LPAR1: variants seen among roughly 807,000 people sequenced by gnomAD.
LPAR1 encodes the protein lysophosphatidic acid receptor 1.
A neutral mutation model predicts 23.8 loss-of-function variants in LPAR1; 5 were observed. That is an observed-to-expected ratio of 0.21 (90% CI 0.11 to 0.44). LPAR1 has a LOEUF of 0.44. Among genes scored for constraint, LPAR1 ranks in the 20% least tolerant of loss-of-function variants. The pLI, the probability that LPAR1 is intolerant of heterozygous loss-of-function variation, is 0.99. For synonymous variants in LPAR1, 160 were observed against 164.7 expected, an observed-to-expected ratio of 0.97 and a Z score of 0.22; for missense variants, 311 against 482.8, an observed-to-expected ratio of 0.64 and a Z score of 3.33.
Position 111,027,400 on chromosome 9 carries a change from C to T in LPAR1, c.-182+8722G>A, listed in dbSNP as rs891384743. Among the ~76,000 whole-genome samples, 4 of 152,078 alleles carry T rather than the reference C, an allele frequency of 2.6e-5. No homozygotes were observed. The South Asian group carries it at 6.2e-4, about 24-fold the overall frequency. On this transcript the variant is annotated intron_variant, in intron 2 of 5. Coordinates refer to ENST00000683809, the MANE Select transcript of LPAR1 (RefSeq NM_001351411.2). Reference sequence around the variant, plus strand: ...CTCACAGTCCCAGCTACTCAGGAAGCTGAAGCAAGAGGATGGTTTGAGCCC... The same window carrying T: ...CTCACAGTCCCAGCTACTCAGGAAGTTGAAGCAAGAGGATGGTTTGAGCCC...
chr9:111,007,078 G>A (rs540638799), intron 2 of LPAR1, among the ~76,000 whole-genome samples: 3 of 152,108 alleles, frequency 2.0e-5, no homozygotes, highest in Admixed American at 1.3e-4. Context: ...TTTCAGTGGT[G>A]CTTGTTTGCT....
chr9:110,904,508 A>C (rs774432152), intron 5 of LPAR1, among the ~76,000 whole-genome samples: 6 of 152,216 alleles, frequency 3.9e-5, no homozygotes, highest in Non-Finnish European at 7.3e-5. Flanking sequence ...ATAGTAAATA[A>C]ATAGAGGTAT....
At chr9:110,943,526 C>T (rs1172182134) in intron 4 of LPAR1, among the ~76,000 whole-genome samples, 1 of 152,108 alleles carries the variant, frequency 6.6e-6, no homozygotes, top group Non-Finnish European at 1.5e-5. Flanking sequence ...ATACTTAATA[C>T]ATTGTATAAT....
chr9:110,875,373 G>T lies in LPAR1; in HGVS notation c.*48C>A. On this transcript the variant is annotated 3_prime_UTR_variant, in exon 6 of 6. Coordinates refer to ENST00000683809, the MANE Select transcript of LPAR1 (RefSeq NM_001351411.2). ...CCTGGCAATTGGGTAGGGGGAGGCT[G>T]TTTATCCTCCAAGAGAGGACGGCTG... The T allele has an allele frequency of 6.6e-7, 1 of 1,517,578 alleles. No individual in the cohort carries two copies. Among genetic ancestry groups the T allele is most frequent in the South Asian group, 1.3e-5 (1 of 78,976 alleles). 94.0% of individuals were successfully genotyped at this position (1,517,578 alleles called of 1,614,324 possible).
chr9:110,962,687 G>C (rs2096047492), intron 4 of LPAR1, among the ~76,000 whole-genome samples: 1 of 152,156 alleles, frequency 6.6e-6, no homozygotes, highest in Non-Finnish European at 1.5e-5. Flanking sequence ...TGAGAAGAAA[G>C]TATCAACCCA....
Position 110,977,851 on chromosome 9 carries a change from GGAA to G in LPAR1, c.-181-4296_-181-4294del, listed in dbSNP as rs1564228154. Among the ~76,000 whole-genome samples, 75 of 32,276 alleles carry G rather than the reference GGAA, an allele frequency of 2.3e-3. 2 individuals carry two copies. Among genetic ancestry groups the G allele is most frequent in the African/African-American group, 7.6e-3 (35 of 4,590 alleles). The allele number at this position is 32,276 out of a possible 152,430, so 21.2% of individuals were successfully genotyped here. On this transcript the variant is annotated intron_variant, in intron 2 of 5. Coordinates refer to ENST00000683809, the MANE Select transcript of LPAR1 (RefSeq NM_001351411.2). Reference sequence around the variant, plus strand: ...GGGAGGGAGGGAAGGAAGGAGGGAAGGAAGGAAGGAAGGAAGGAAGGAAGGAAG... The same window carrying G: ...GGGAGGGAGGGAAGGAAGGAGGGAAGGGAAGGAAGGAAGGAAGGAAGGAAG...
At chr9:111,011,161 T>G (rs948817068) in intron 2 of LPAR1, among the ~76,000 whole-genome samples, 2 of 151,286 alleles carry the variant, frequency 1.3e-5, no homozygotes, top group Admixed American at 6.6e-5. Context: ...CTGTGCTTGG[T>G]TTTAATAATC....
At chr9:111,030,931 A>T (rs895803194) in intron 2 of LPAR1, among the ~76,000 whole-genome samples, 2 of 152,192 alleles carry the variant, frequency 1.3e-5, no homozygotes, top group African/African-American at 4.8e-5. Flanking sequence ...CATACATATG[A>T]GTATGTATAA....
chr9:110,991,982 A>G (rs559566432), intron 2 of LPAR1, among the ~76,000 whole-genome samples: 31 of 132,940 alleles, frequency 2.3e-4, no homozygotes, highest in Middle Eastern at 3.8e-3. Flanking sequence ...ACTAACTTAA[A>G]TTCTTTAAAA....
intron 5 of LPAR1, among the ~76,000 whole-genome samples, chr9:110,896,787 CTT>C (rs3030133): frequency 1.4e-4 from 18 of 126,268 alleles, no homozygotes; most frequent in Admixed American, 1.7e-4. Flanking sequence ...TTAGTGAAAT[CTT>C]TTTTTTTTTT....
At position 110,921,135 on chromosome 9, in the gene LPAR1, AAAAACAAAACAAAAAAC is replaced by A. The variant is rs1040221830; in HGVS notation, c.793+20269_793+20285del. 5.9e-5 allele frequency among the ~76,000 whole-genome samples: 9 copies of A among 152,050 alleles called. No homozygotes were observed. The East Asian group carries it at 1.2e-3, about 20-fold the overall frequency. On this transcript the variant is annotated intron_variant, in intron 5 of 5. Coordinates refer to ENST00000683809, the MANE Select transcript of LPAR1 (RefSeq NM_001351411.2). ...TGTGACAGAGCAAAACCCTGTTTCAAAAAACAAAACAAAAAACAAAACAAAACAAAAAACAGGGTGAG... is the reference window on the plus strand; with the variant it reads ...TGTGACAGAGCAAAACCCTGTTTCAAAAAACAAAACAAAAAACAGGGTGAG...
chr9:110,918,938 C>G (rs1015838082), intron 5 of LPAR1, among the ~76,000 whole-genome samples: 9 of 151,972 alleles, frequency 5.9e-5, no homozygotes, highest in African/African-American at 2.2e-4. Flanking sequence ...TGGACACACC[C>G]TAAGATGTTC....
intron 5 of LPAR1, among the ~76,000 whole-genome samples, chr9:110,908,678 G>A (rs914789095): frequency 2.6e-5 from 4 of 152,150 alleles, no homozygotes; most frequent in African/African-American, 9.7e-5. Flanking sequence ...TTCCTAGGAG[G>A]CCTTGAAAAT....
At chr9:110,923,016 T>C (rs920553681) in intron 5 of LPAR1, among the ~76,000 whole-genome samples, 49 of 151,466 alleles carry the variant, frequency 3.2e-4, no homozygotes, top group African/African-American at 1.2e-3. Context: ...CAGGCCCCAG[T>C]GTGTGATATT....
intron 5 of LPAR1, among the ~76,000 whole-genome samples, chr9:110,885,016 C>T (rs2081971408): frequency 6.6e-6 from 1 of 152,034 alleles, no homozygotes; most frequent in South Asian, 2.1e-4. Flanking sequence ...TTGGTAGTGG[C>T]TTTTGGTTTG....
intron 5 of LPAR1, among the ~76,000 whole-genome samples, chr9:110,912,782 C>G (rs1564446298): frequency 6.6e-6 from 1 of 150,766 alleles, no homozygotes; most frequent in African/African-American, 2.5e-5. Context: ...CTAAATGCCA[C>G]CAGGACATTC....
In LPAR1 at chr9:110,941,342, T is replaced by C. The variant is rs2095089453; in HGVS notation, c.793+79A>G. ...CCTGGTGAATATTCATACTGTTGGTTACCTCTGACATAAAATAATGTGGTT... is the reference window on the plus strand; with the variant it reads ...CCTGGTGAATATTCATACTGTTGGTCACCTCTGACATAAAATAATGTGGTT... On this transcript the variant is annotated intron_variant, in intron 5 of 5. Coordinates refer to ENST00000683809, the MANE Select transcript of LPAR1 (RefSeq NM_001351411.2). This position sits in a 1 kb window ranked among gnomAD's most constrained non-coding sequence, Gnocchi z 6.1. 1.5e-6 allele frequency: 2 copies of C among 1,305,798 alleles called. No homozygotes were observed. The highest frequency in any genetic ancestry group is 2.1e-6 in the Non-Finnish European group (2 of 950,482). 80.9% of individuals were successfully genotyped at this position (1,305,798 alleles called of 1,614,324 possible).
At chr9:110,882,425 G>A (rs980036866) in intron 5 of LPAR1, among the ~76,000 whole-genome samples, 9 of 152,136 alleles carry the variant, frequency 5.9e-5, no homozygotes, top group South Asian at 2.1e-4. Context: ...ATTAAATTAC[G>A]GGTGGAAAAT....
intron 4 of LPAR1, among the ~76,000 whole-genome samples, chr9:110,947,594 A>G (rs2095426198): frequency 6.6e-6 from 1 of 152,210 alleles, no homozygotes; most frequent in South Asian, 2.1e-4. Flanking sequence ...TTCACCATGC[A>G]ATTCATTCAT....
Sources: gnomAD v4.1 joint callset for allele counts (sites outside exome capture counted in the v4.1 genomes callset) on GRCh38, gnomAD v4.1.1 for gene constraint, Gnocchi (gnomAD v3.1) non-coding constraint, MANE v1.5 for transcripts, NCBI Gene and HGNC (gene_info 2026-07-23, HGNC 2026-07-21) for gene names.